The following RGL1 variants were observed in gnomAD, a reference collection of about 807,000 sequenced individuals.
RGL1 encodes the protein ral guanine nucleotide dissociation stimulator like 1.
In RGL1, 24 loss-of-function variants were observed where a neutral mutation model predicts 95.2. The observed-to-expected ratio is 0.25, with a 90% CI of 0.18 to 0.35. The LOEUF (loss-of-function observed/expected upper bound fraction) is 0.35, where lower values mean the gene tolerates loss of function less well. Ranked by LOEUF, RGL1 falls within the 10% of genes least tolerant of loss-of-function variation. The pLI, the probability that RGL1 is intolerant of heterozygous loss-of-function variation, is 1.00. For synonymous variants in RGL1, 329 were observed against 344.9 expected (o/e 0.95, Z 0.51); for missense variants, 715 against 936.3 (o/e 0.76, Z 3.08).
At position 183,926,562 on chromosome 1, in the gene RGL1, A is replaced by G. The variant is rs113048471; in HGVS notation, c.*270A>G. 1 of 241,370 alleles carries G rather than the reference A, an allele frequency of 4.1e-6. No homozygotes were observed. Among genetic ancestry groups the G allele is most frequent in the Non-Finnish European group, 8.1e-6 (1 of 124,106 alleles). The allele number at this position is 241,370 out of a possible 1,614,324, so 15.0% of individuals were successfully genotyped here. A position where few individuals can be genotyped will look rare whatever the true frequency, so the allele number is the denominator to read the frequency against. On this transcript the variant is annotated 3_prime_UTR_variant, in exon 18 of 18. Coordinates refer to ENST00000360851, the MANE Select transcript of RGL1 (RefSeq NM_001297671.3). Reference sequence around the variant, plus strand: ...ACCAACATTTAAAACATATATATGCACATGTATTTGGTATGCATGTGTATC... The same window carrying G: ...ACCAACATTTAAAACATATATATGCGCATGTATTTGGTATGCATGTGTATC...
intron 1 of RGL1, among the ~76,000 whole-genome samples, chr1:183,692,226 G>A (rs10911410): frequency 0.081 from 12,326 of 152,278 alleles, 922 homozygotes; most frequent in African/African-American, 0.2. Flanking sequence ...TAGGGACGAG[G>A]TTGGAATGAG....
chr1:183,847,929 A>T (rs181915845), intron 3 of RGL1, among the ~76,000 whole-genome samples, 155 bp downstream of exon 3: 16 of 152,180 alleles, frequency 1.1e-4, no homozygotes, highest in Non-Finnish European at 2.4e-4. Flanking sequence ...TGAAAAGAAG[A>T]TCATTCAGGA....
chr1:183,819,036 A>G (rs1219971805), intron 2 of RGL1, among the ~76,000 whole-genome samples: 1 of 152,214 alleles, frequency 6.6e-6, no homozygotes, highest in Admixed American at 6.5e-5. Flanking sequence ...TTAGTGACAT[A>G]TAGGTTTGAG....
chr1:183,865,183 T>C (rs1258949211), intron 3 of RGL1, among the ~76,000 whole-genome samples: 1 of 152,202 alleles, frequency 6.6e-6, no homozygotes, highest in Admixed American at 6.5e-5. Context: ...AAATATGATA[T>C]ATTTGTATGA....
At chr1:183,857,575 G>T (rs145137345) in intron 3 of RGL1, among the ~76,000 whole-genome samples, 1 of 152,146 alleles carries the variant, frequency 6.6e-6, no homozygotes, top group Non-Finnish European at 1.5e-5. Flanking sequence ...TTCAGTTTCG[G>T]TCCACACACT....
chr1:183,761,930 C>T (rs1325773392), intron 2 of RGL1, among the ~76,000 whole-genome samples: 1 of 152,232 alleles, frequency 6.6e-6, no homozygotes, highest in Non-Finnish European at 1.5e-5. Flanking sequence ...CCAACCGCTG[C>T]AAGCTTCAAA....
At chr1:183,840,257 A>T (rs1389499298) in intron 2 of RGL1, among the ~76,000 whole-genome samples, 1 of 152,204 alleles carries the variant, frequency 6.6e-6, no homozygotes, top group Non-Finnish European at 1.5e-5. Context: ...AGGTTAGAGC[A>T]ATATTTCCAG....
At chr1:183,919,755 C>T (rs1427731977) in intron 16 of RGL1, among the ~76,000 whole-genome samples, 1 of 152,178 alleles carries the variant, frequency 6.6e-6, no homozygotes, top group Admixed American at 6.5e-5. Flanking sequence ...TCCCAAGATC[C>T]CTTACACAGG....
chr1:183,891,325 A>G (rs891942153), intron 8 of RGL1, among the ~76,000 whole-genome samples: 9 of 152,130 alleles, frequency 5.9e-5, no homozygotes, highest in Non-Finnish European at 1.2e-4. Context: ...GCTCACAGAG[A>G]TGTAGTGTCC....
Position 183,711,325 on chromosome 1 carries a change from C to A in RGL1, c.-32-30801C>A, listed in dbSNP as rs565557818. On this transcript the variant is annotated intron_variant, in intron 1 of 18. Coordinates refer to the RGL1 transcript ENST00000304685. ...GATTCCAGAGGACATCTGTCATTTT[C>A]TCTCATGAACTGTCCCTGGATGTAG... Among the ~76,000 whole-genome samples, 3 of 152,286 alleles carry A rather than the reference C, an allele frequency of 2.0e-5. 1 individual carries two copies. In the South Asian group the frequency reaches 6.2e-4, roughly 32 times the overall value.
At chr1:183,699,532 A>G (rs1223503908) in intron 1 of RGL1, among the ~76,000 whole-genome samples, 2 of 152,168 alleles carry the variant, frequency 1.3e-5, no homozygotes, top group Non-Finnish European at 2.9e-5. Context: ...CTATTGTCTG[A>G]AGATTCTGAT....
At chr1:183,717,229 G>T (rs1298341010) in intron 1 of RGL1, among the ~76,000 whole-genome samples, 2 of 152,124 alleles carry the variant, frequency 1.3e-5, no homozygotes. Flanking sequence ...TTTCACAGTT[G>T]CCCTTCTCTA....
upstream of RGL1, among the ~76,000 whole-genome samples, chr1:183,801,059 C>T (rs182599481): frequency 4.9e-3 from 748 of 151,738 alleles, 18 homozygotes; most frequent in Admixed American, 0.044. Flanking sequence ...ATACTGTTTT[C>T]CATAGTGGCT....
At position 183,904,952 on chromosome 1, in the gene RGL1, C is replaced by T. The variant is rs758638631; in HGVS notation, c.1453C>T (p.Leu485Phe). The T allele has an allele frequency of 1.2e-6, 2 of 1,613,560 alleles. No individual in the cohort carries two copies. The highest frequency in any genetic ancestry group is 3.3e-5 in the Admixed American group (2 of 59,924). Residue 485 changes from leucine to phenylalanine, a missense_variant, in exon 13 of 18, where the codon CTC becomes TTC. Around this residue, in one of 3 missense-constraint regions of RGL1, gnomAD observed 330 missense variants for 429.6 expected, o/e 0.77. Transcript: ENST00000360851. ...KFIQWFQRQQ[L>F]LTEEESYALS... is the part of the protein sequence containing the mutation. The stretch of plus-strand genomic sequence containing the variant: ...CATCCAGTGGTTCCAGAGGCAGCAG[C>T]TCCTGACAGAGGAGGAGAGGTGGGA...
chr1:183,863,531 C>G (rs1416834436), intron 3 of RGL1, among the ~76,000 whole-genome samples: 1 of 152,020 alleles, frequency 6.6e-6, no homozygotes, highest in Non-Finnish European at 1.5e-5. Flanking sequence ...CAGAATTGCT[C>G]TGGCTACTGG....
intron 1 of RGL1, among the ~76,000 whole-genome samples, chr1:183,683,826 T>C (rs1044448695): frequency 7.2e-5 from 11 of 152,352 alleles, no homozygotes; most frequent in Admixed American, 3.9e-4. Context: ...TTTGGTCTTT[T>C]CACATAGTCC....
At chr1:183,648,944 G>A in intron 1 of RGL1, 1 of 592,650 alleles carries the variant, frequency 1.7e-6, no homozygotes, top group Non-Finnish European at 2.9e-6. Flanking sequence ...AGATTTAAAA[G>A]CTCAGGATTC....
chr1:183,753,954 A>ATTTTTTTTTTT, intron 2 of RGL1, among the ~76,000 whole-genome samples: 1 of 147,292 alleles, frequency 6.8e-6, no homozygotes, highest in Non-Finnish European at 1.5e-5. Context: ...CAGTGGGTTC[A>ATTTTTTTTTTT]TTTTTTTTTT....
chr1:183,671,159 C>A (rs1476310317), intron 1 of RGL1, among the ~76,000 whole-genome samples: 1 of 152,142 alleles, frequency 6.6e-6, no homozygotes, highest in Non-Finnish European at 1.5e-5. Context: ...ACAGCATGGG[C>A]AAAACTGCCC....
Sources: allele counts gnomAD v4.1 joint callset (sites outside exome capture counted in the v4.1 genomes callset), GRCh38; gene constraint gnomAD v4.1.1; regional missense constraint gnomAD v4.1.1; transcripts MANE v1.5; gene names NCBI Gene and HGNC (gene_info 2026-07-23, HGNC 2026-07-21).